MAP3K5: variants seen among roughly 807,000 people sequenced by gnomAD.
The protein encoded by MAP3K5 is ASK-1.
A neutral mutation model predicts 158.7 loss-of-function variants in MAP3K5; 56 were observed. The ratio of observed to expected loss-of-function variants is 0.35; its 90% CI spans 0.28 to 0.44. The LOEUF is 0.44. MAP3K5 is among the 20% of genes least tolerant of loss of function. The pLI, the probability that MAP3K5 is intolerant of heterozygous loss-of-function variation, is 1.00. For missense variants in MAP3K5, 1,294 were observed against 1,674.8 expected (o/e 0.77, Z 3.97); for synonymous variants, 579 against 601.7 (o/e 0.96, Z 0.55).
At chr6:136,596,662 GC>G (rs1323061230) in intron 21 of MAP3K5, among the ~76,000 whole-genome samples, 3 of 152,230 alleles carry the variant, frequency 2.0e-5, no homozygotes, top group African/African-American at 7.2e-5. Flanking sequence ...TGAGGGATTG[GC>G]CTTCTGTAGG....
At chr6:136,607,202 T>C (rs1222175828) in intron 18 of MAP3K5, among the ~76,000 whole-genome samples, 7 of 152,210 alleles carry the variant, frequency 4.6e-5, no homozygotes, top group African/African-American at 1.7e-4. Flanking sequence ...CCACCCCCTT[T>C]TGTTGTCTCG....
chr6:136,562,837 A>ATTTTTTTTTTTTT (rs3040779), intron 26 of MAP3K5, among the ~76,000 whole-genome samples: 3 of 124,836 alleles, frequency 2.4e-5, no homozygotes, highest in Admixed American at 9.1e-5. Context: ...TGCCTGGCTA[A>ATTTTTTTTTTTTT]TTTTTTTTTT....
intron 14 of MAP3K5, among the ~76,000 whole-genome samples, chr6:136,635,605 T>A (rs910735177): frequency 3.3e-5 from 5 of 151,396 alleles, no homozygotes; most frequent in Non-Finnish European, 4.4e-5. Flanking sequence ...CTAGCTATTA[T>A]AGGCCAGGCA....
intron 1 of MAP3K5, among the ~76,000 whole-genome samples, chr6:136,741,624 A>T (rs1782712742): frequency 6.6e-6 from 1 of 152,182 alleles, no homozygotes; most frequent in Non-Finnish European, 1.5e-5. Flanking sequence ...TCAACATCAT[A>T]CTGGAAATCC....
chr6:136,753,086 C>T (rs1783294957), intron 1 of MAP3K5, among the ~76,000 whole-genome samples: 1 of 152,178 alleles, frequency 6.6e-6, no homozygotes, highest in Admixed American at 6.5e-5. Flanking sequence ...GGTACTTATC[C>T]CAACAGGAAC....
intron 25 of MAP3K5, chr6:136,579,679 T>C (rs1038685087): frequency 2.4e-5 from 9 of 379,026 alleles, no homozygotes; most frequent in South Asian, 1.4e-4. Context: ...GTAACCAATA[T>C]ACCACTCTGT....
At chr6:136,593,869 C>T (rs553671665) in intron 21 of MAP3K5, among the ~76,000 whole-genome samples, 1 of 152,186 alleles carries the variant, frequency 6.6e-6, no homozygotes, top group Non-Finnish European at 1.5e-5. Flanking sequence ...TACTTAATTC[C>T]TCTTGGGCTG....
At position 136,657,841 on chromosome 6, in the gene MAP3K5, T is replaced by C. The variant is rs115866798; in HGVS notation, c.1526+1378A>G. 1.0e-2 allele frequency among the ~76,000 whole-genome samples: 1,520 copies of C among 152,274 alleles called. 28 individuals carry two copies. The highest frequency in any genetic ancestry group is 0.035 in the African/African-American group (1,471 of 41,556). On this transcript the variant is annotated intron_variant, in intron 9 of 29. Coordinates refer to ENST00000359015, the MANE Select transcript of MAP3K5 (RefSeq NM_005923.4). Reference sequence around the variant, plus strand: ...ACACTCATGCATGAAACCAGCAGTGTGGTATGAAGAGACAGCAGTGTAAAC... The same window carrying C: ...ACACTCATGCATGAAACCAGCAGTGCGGTATGAAGAGACAGCAGTGTAAAC...
intron 1 of MAP3K5, among the ~76,000 whole-genome samples, chr6:136,739,275 G>T (rs1782611914): frequency 6.6e-6 from 1 of 152,156 alleles, no homozygotes; most frequent in South Asian, 2.1e-4. Context: ...GGGTGTAGCT[G>T]GCTGGTGTCA....
chr6:136,749,416 C>T (rs535640726), intron 1 of MAP3K5, among the ~76,000 whole-genome samples: 9 of 151,200 alleles, frequency 6.0e-5, no homozygotes, highest in Middle Eastern at 3.4e-3. Context: ...CATTAGGGTG[C>T]GTGAAGGTCG....
chr6:136,757,579 A>ATTTATTTTTTTTT (rs1562679137), intron 1 of MAP3K5, among the ~76,000 whole-genome samples: 16 of 111,952 alleles, frequency 1.4e-4, no homozygotes, highest in East Asian at 3.0e-4. Context: ...TTATTTATTT[A>ATTTATTTTTTTTT]TTTTTTATTT....
chr6:136,570,736 T>A (rs1231715326), intron 25 of MAP3K5, among the ~76,000 whole-genome samples: 1 of 152,220 alleles, frequency 6.6e-6, no homozygotes, highest in Non-Finnish European at 1.5e-5. Flanking sequence ...AACAGTGTTA[T>A]GCTACCAATC....
intron 26 of MAP3K5, among the ~76,000 whole-genome samples, chr6:136,566,751 T>C (rs1774127843): frequency 6.6e-6 from 1 of 152,242 alleles, no homozygotes; most frequent in African/African-American, 2.4e-5. Context: ...ATTTCATGTT[T>C]CTGAATATAG....
chr6:136,587,790 T>C lies in MAP3K5; in HGVS notation c.3226-4050A>G, dbSNP rs540265627. Among the ~76,000 whole-genome samples the C allele has an allele frequency of 3.3e-5, 5 of 152,362 alleles. No individual in the cohort carries two copies. The South Asian group carries it at 8.3e-4, about 25-fold the overall frequency. ...AGCTTCATGCTGGTCCCCTAAGGCA[T>C]GCCCTCTGATGGTTGCTTTTAAGGT... On this transcript the variant is annotated intron_variant, in intron 23 of 29. Transcript: ENST00000359015.
Position 136,656,397 on chromosome 6 carries a change from T to C in MAP3K5, c.1590A>G (p.Glu530=), listed in dbSNP as rs78798199. 8.1e-6 allele frequency: 13 copies of C among 1,610,626 alleles called. No individual in the cohort carries two copies. In the African/African-American group the frequency reaches 1.6e-4, roughly 20 times the overall value. ...CAAGTTCTTGCTTGGCCACAGGCTG[T>C]TCTGTGGTCAGTTTCACAAAATGCT... is the stretch of plus-strand genomic sequence containing the variant. ...IYKHFVKLTT[E]QPVAKQELVD... is the part of the protein sequence containing the mutation. Residue 530 remains glutamate, a synonymous_variant, in exon 10 of 30, where the codon GAA becomes GAG. Coordinates refer to ENST00000359015, the MANE Select transcript of MAP3K5 (RefSeq NM_005923.4).
intron 1 of MAP3K5, among the ~76,000 whole-genome samples, chr6:136,771,363 C>T (rs980506805): frequency 2.6e-5 from 4 of 151,944 alleles, no homozygotes; most frequent in African/African-American, 7.3e-5. Context: ...GCTTGGACAC[C>T]GGACCAGATT....
intron 1 of MAP3K5, among the ~76,000 whole-genome samples, chr6:136,765,075 T>C (rs1405822960): frequency 6.6e-6 from 1 of 152,164 alleles, no homozygotes; most frequent in African/African-American, 2.4e-5. Context: ...TAGGAAGTCA[T>C]CATTAGATTC....
At chr6:136,627,249 T>C (rs1396539625) in intron 14 of MAP3K5, among the ~76,000 whole-genome samples, 1 of 152,118 alleles carries the variant, frequency 6.6e-6, no homozygotes. Context: ...AGAATCTCTG[T>C]AGAAGTAGCA....
intron 1 of MAP3K5, among the ~76,000 whole-genome samples, chr6:136,779,287 TA>T (rs1407610787): frequency 6.6e-6 from 1 of 151,004 alleles, no homozygotes; most frequent in African/African-American, 2.4e-5. Flanking sequence ...AATAAAAACA[TA>T]AAAAATTAGC....
Sources: allele counts gnomAD v4.1 joint callset (sites outside exome capture counted in the v4.1 genomes callset), GRCh38; gene constraint gnomAD v4.1.1; transcripts MANE v1.5; gene names NCBI Gene and HGNC (gene_info 2026-07-23, HGNC 2026-07-21).